The following ZNF536 variants were observed in gnomAD, a reference collection of about 807,000 sequenced individuals.
The protein encoded by ZNF536 is zinc finger protein 536.
Under a neutral mutation model 84.5 loss-of-function variants are expected in ZNF536, and 13 were observed. The observed-to-expected ratio is 0.15, with a 90% CI of 0.10 to 0.24. The LOEUF (loss-of-function observed/expected upper bound fraction) is 0.24. Among genes scored for constraint, ZNF536 ranks in the 10% least tolerant of loss-of-function variants. The pLI, the probability that ZNF536 is intolerant of heterozygous loss-of-function variation, is 1.00. For missense variants in ZNF536, 1,536 were observed against 1,747.5 expected (o/e 0.88, Z 2.16); for synonymous variants, 811 against 742.5 (o/e 1.09, Z -1.50).
intron 1 of ZNF536, among the ~76,000 whole-genome samples, chr19:30,264,966 T>TGTGTGTGTGTGTGTGTGAGA (rs59889852): frequency 3.7e-5 from 5 of 133,858 alleles, no homozygotes; most frequent in African/African-American, 1.5e-4. Context: ...TGTGTGTGTG[T>TGTGTGTGTGTGTGTGTGAGA]GAGAGAGAGA....
intron 1 of ZNF536, among the ~76,000 whole-genome samples, chr19:30,258,852 G>A (rs1021667921): frequency 2.0e-5 from 3 of 151,738 alleles, no homozygotes; most frequent in Admixed American, 6.6e-5. Flanking sequence ...CGAGTAGCTG[G>A]GATTACAGGT....
At chr19:30,359,102 G>A (rs917910754) in intron 3 of ZNF536, among the ~76,000 whole-genome samples, 12 of 152,262 alleles carry the variant, frequency 7.9e-5, no homozygotes, top group East Asian at 1.9e-4. Context: ...CCAGGTTTTC[G>A]GAGTTTTAAA....
chr19:30,481,944 T>G (rs1358005278), intron 2 of ZNF536, among the ~76,000 whole-genome samples: 1 of 152,240 alleles, frequency 6.6e-6, no homozygotes, highest in Admixed American at 6.5e-5. Context: ...CTGAGTTACT[T>G]CCCATAGAAT....
intron 2 of ZNF536, among the ~76,000 whole-genome samples, chr19:30,286,342 C>T (rs1210942630): frequency 6.6e-6 from 1 of 152,174 alleles, no homozygotes; most frequent in Non-Finnish European, 1.5e-5. Context: ...CCACAGTCCT[C>T]ACAGCCCCAG....
chr19:30,322,759 G>A (rs1407662520), intron 2 of ZNF536, among the ~76,000 whole-genome samples: 1 of 151,434 alleles, frequency 6.6e-6, no homozygotes, highest in Non-Finnish European at 1.5e-5. Flanking sequence ...TCCATTCACA[G>A]CCCTCCTGCC....
intron 1 of ZNF536, among the ~76,000 whole-genome samples, chr19:30,391,875 C>T (rs2049604584): frequency 6.6e-6 from 1 of 152,206 alleles, no homozygotes; most frequent in Non-Finnish European, 1.5e-5. Context: ...GTACTGTAAC[C>T]TTAAACCTTG....
intron 1 of ZNF536, among the ~76,000 whole-genome samples, chr19:30,659,977 GTGTGTT>G (rs1158745319): frequency 0.023 from 3,566 of 152,020 alleles, 146 homozygotes; most frequent in African/African-American, 0.081. Context: ...GTGTGTGTGT[GTGTGTT>G]TGTATGTGTT....
At chr19:30,530,717 C>G (rs2044771819) in intron 2 of ZNF536, among the ~76,000 whole-genome samples, 1 of 152,186 alleles carries the variant, frequency 6.6e-6, no homozygotes, top group Admixed American at 6.5e-5. Context: ...GCAACATAAA[C>G]CAGTGACTGC....
intron 1 of ZNF536, among the ~76,000 whole-genome samples, chr19:30,260,050 C>T (rs989363723): frequency 2.0e-5 from 3 of 152,154 alleles, no homozygotes; most frequent in Admixed American, 6.5e-5. Flanking sequence ...CAGGCGTGAG[C>T]CACCATGCCC....
At position 30,649,468 on chromosome 19, in the gene ZNF536, AC is replaced by A. The variant is rs768577120; in HGVS notation, c.170-61288del. 1.9e-4 allele frequency among the ~76,000 whole-genome samples: 29 copies of A among 152,302 alleles called. 1 individual carries two copies. Among genetic ancestry groups the A allele is most frequent in the Admixed American group, 5.9e-4 (9 of 15,304 alleles). Reference sequence around the variant, plus strand: ...GAAGAAAAAAGCATTTAGATGAGGAACATTAAGATTCAATATTAACCATTTT... The same window carrying A: ...GAAGAAAAAAGCATTTAGATGAGGAAATTAAGATTCAATATTAACCATTTT... On this transcript the variant is annotated intron_variant, in intron 1 of 1. Transcript: ENST00000592773.
chr19:30,488,381 G>T (rs2054377139), intron 2 of ZNF536, among the ~76,000 whole-genome samples: 1 of 152,084 alleles, frequency 6.6e-6, no homozygotes, highest in Non-Finnish European at 1.5e-5. Flanking sequence ...GTTGCACCCT[G>T]CTACTTTGTG....
intron 2 of ZNF536, among the ~76,000 whole-genome samples, chr19:30,461,518 C>T (rs1053959657): frequency 6.6e-6 from 1 of 152,088 alleles, no homozygotes; most frequent in African/African-American, 2.4e-5. Flanking sequence ...CCCCCCTGAG[C>T]CCCACACTTA....
intron 1 of ZNF536, among the ~76,000 whole-genome samples, chr19:30,634,900 A>C (rs1470546921): frequency 1.3e-5 from 2 of 152,128 alleles, no homozygotes; most frequent in Non-Finnish European, 2.9e-5. Flanking sequence ...CTAAACTCTT[A>C]GCCAAAATCT....
intron 1 of ZNF536, among the ~76,000 whole-genome samples, chr19:30,405,068 C>T (rs1386323917): frequency 2.6e-5 from 4 of 152,214 alleles, no homozygotes; most frequent in South Asian, 2.1e-4. Context: ...GGAGCTTCCA[C>T]GCCTTCCCTG....
intron 1 of ZNF536, among the ~76,000 whole-genome samples, chr19:30,704,454 C>G (rs1331300296): frequency 6.6e-6 from 1 of 151,972 alleles, no homozygotes; most frequent in Admixed American, 6.6e-5. Context: ...CGAGACTAAC[C>G]TGACCAACCT....
rs151036888 is a variant in ZNF536, at chr19:30,447,117, C to T, written c.2170+1385C>T. 5.6e-3 allele frequency among the ~76,000 whole-genome samples: 858 copies of T among 152,312 alleles called. 8 individuals carry two copies. The highest frequency in any genetic ancestry group is 7.8e-3 in the Non-Finnish European group (528 of 68,028). On this transcript the variant is annotated intron_variant, in intron 2 of 4. Transcript: ENST00000355537. The stretch of plus-strand genomic sequence containing the variant: ...AAATGAAAGACAGTTTGAGGCACCT[C>T]GAGGCACTGCCTTGCCCACTGTTAA...
At chr19:30,346,760 G>A (rs908546255) in intron 2 of ZNF536, among the ~76,000 whole-genome samples, 2 of 152,144 alleles carry the variant, frequency 1.3e-5, no homozygotes, top group Non-Finnish European at 2.9e-5. Context: ...GAGCATTTAG[G>A]TTGATTCCAT....
chr19:30,592,545 A>G (rs1186318552), intron 1 of ZNF536, among the ~76,000 whole-genome samples: 4 of 152,352 alleles, frequency 2.6e-5, no homozygotes, highest in African/African-American at 7.2e-5. Context: ...TCAGATAAGC[A>G]GCACACCCGG....
intron 4 of ZNF536, chr19:30,556,507 C>T (rs1395356945): frequency 2.0e-5 from 3 of 152,260 alleles, no homozygotes; most frequent in Non-Finnish European, 4.4e-5. Flanking sequence ...CTCCTGTTCT[C>T]CTTCCCTCTT....
Sources: gnomAD v4.1 joint callset for allele counts (sites outside exome capture counted in the v4.1 genomes callset) on GRCh38, gnomAD v4.1.1 for gene constraint, MANE v1.5 for transcripts, NCBI Gene and HGNC (gene_info 2026-07-23, HGNC 2026-07-21) for gene names.